The following BPTF variants were observed in gnomAD, a reference collection of about 807,000 sequenced individuals.
BPTF encodes nucleosome-remodeling factor subunit BPTF.
A neutral mutation model predicts 292.5 loss-of-function variants in BPTF; 18 were observed. The observed-to-expected ratio is 0.06, with a 90% CI of 0.04 to 0.09. The LOEUF (loss-of-function observed/expected upper bound fraction) is 0.09, where lower values mean the gene tolerates loss of function less well. BPTF is among the 10% of genes least tolerant of loss of function. BPTF has a pLI of 1.00. For synonymous variants in BPTF, 1,225 were observed against 1,251.9 expected, an observed-to-expected ratio of 0.98 and a Z score of 0.45; for missense variants, 2,726 against 3,498.7, an observed-to-expected ratio of 0.78 and a Z score of 5.57.
At chr17:67,859,250 A>G (rs1567918273) in intron 2 of BPTF, among the ~76,000 whole-genome samples, 1 of 152,166 alleles carries the variant, frequency 6.6e-6, no homozygotes, top group Non-Finnish European at 1.5e-5. Flanking sequence ...GGCTCAGGCC[A>G]TCCTCTCACC....
At chr17:67,875,174 G>A (rs1353844816) in intron 4 of BPTF, among the ~76,000 whole-genome samples, 154 bp downstream of exon 4, 1 of 152,122 alleles carries the variant, frequency 6.6e-6, no homozygotes, top group Non-Finnish European at 1.5e-5. Context: ...TATAACGTGT[G>A]TAACAATTGT....
intron 1 of BPTF, among the ~76,000 whole-genome samples, chr17:67,848,171 CT>C (rs11367624): frequency 0.35 from 51,014 of 146,600 alleles, 10,780 homozygotes; most frequent in East Asian, 0.67. Context: ...ACTGTAAATT[CT>C]TTTTTTTTTT....
At chr17:67,908,306 G>C (rs559369322) in intron 9 of BPTF, among the ~76,000 whole-genome samples, 1 of 151,778 alleles carries the variant, frequency 6.6e-6, no homozygotes, top group Non-Finnish European at 1.5e-5. Flanking sequence ...CTACAGGCTC[G>C]TACCACCATG....
At chr17:67,940,699 T>C in intron 19 of BPTF, 43 bp downstream of exon 19, 1 of 1,563,856 alleles carries the variant, frequency 6.4e-7, no homozygotes, top group Non-Finnish European at 8.8e-7. Context: ...GGTGATCTTA[T>C]TTATTCTTGC....
Position 67,911,005 on chromosome 17 carries a change from G to C in BPTF, c.3121G>C (p.Val1041Leu). 1.2e-6 allele frequency: 2 copies of C among 1,613,254 alleles called. No homozygotes were observed. Among genetic ancestry groups the C allele is most frequent in the Non-Finnish European group, 8.5e-7 (1 of 1,179,594 alleles). The change falls in exon 11 of 28, where the codon GTT (valine) becomes CTT (leucine). Residue 1041 changes from valine to leucine, a missense_variant. Physicochemically the swap from Val to Leu is conservative, Grantham distance 32. Transcript: ENST00000306378. ...GAGTTCTCAAGTAGATGTGGTCAAT[G>C]TTAGTGAGGGTTTTCATCTAAGGAC... is the stretch of plus-strand genomic sequence containing the variant. ...QESSQVDVVN[V>L]SEGFHLRTSY...
intron 14 of BPTF, among the ~76,000 whole-genome samples, chr17:67,923,878 C>T (rs1412438709): frequency 6.6e-6 from 1 of 151,866 alleles, no homozygotes; most frequent in East Asian, 1.9e-4. Flanking sequence ...GAGACAGTTT[C>T]ACTCTGTCCC....
chr17:67,886,076 G>T, intron 4 of BPTF: 1 of 1,316,288 alleles, frequency 7.6e-7, no homozygotes, highest in South Asian at 1.5e-5. Context: ...CTGACAATTC[G>T]TCATTTTTCA....
Position 67,912,598 on chromosome 17 carries a change from A to C in BPTF, c.4714A>C (p.Asn1572His). The C allele has an allele frequency of 6.2e-7, 1 of 1,613,150 alleles. No homozygotes were observed. The highest frequency in any genetic ancestry group is 1.7e-5 in the Admixed American group (1 of 59,728). The part of the protein sequence containing the change: ...IDENGLPINK[N>H]ENVNGESKRK... The stretch of plus-strand genomic sequence containing the variant: ...TGAAAATGGTCTGCCCATCAACAAA[A>C]ATGAAAATGTCAATGGAGAATCTAA... Residue 1572 changes from asparagine to histidine, a missense_variant, in exon 11 of 28, where the codon AAT (asparagine) becomes CAT (histidine). By Grantham distance (68) the Asn-to-His change is moderately conservative. Around this residue, in one of 22 missense-constraint regions of BPTF, gnomAD observed 144 missense variants for 177.2 expected, o/e 0.81. Coordinates refer to ENST00000306378, the MANE Select transcript of BPTF (RefSeq NM_182641.4).
chr17:67,950,051 CAAAAAAAA>C (rs567911150), intron 23 of BPTF, among the ~76,000 whole-genome samples: 1 of 68,578 alleles, frequency 1.5e-5, no homozygotes, highest in Non-Finnish European at 2.4e-5. Context: ...GAGACTGTCT[CAAAAAAAA>C]AAAAAAAAAA....
At chr17:67,976,073 A>T (rs79182912) in intron 27 of BPTF, 115 bp downstream of exon 27, 295 of 6,466 alleles carry the variant, frequency 0.046, 1 homozygote, top group South Asian at 0.077. Flanking sequence ...AAATATCTTT[A>T]AAAAAAAAAT....
intron 1 of BPTF, among the ~76,000 whole-genome samples, chr17:67,839,335 TA>T (rs1000819011): frequency 9.9e-5 from 15 of 151,546 alleles, no homozygotes; most frequent in Non-Finnish European, 1.5e-4. Context: ...AGTTTTTTTT[TA>T]AAAAAAAATC....
chr17:67,953,289 C>T lies in BPTF; in HGVS notation c.7926+4983C>T, dbSNP rs542229603. Among the ~76,000 whole-genome samples, 3 of 136,172 alleles carry T rather than the reference C, an allele frequency of 2.2e-5. No homozygotes were observed. The South Asian group carries it at 7.3e-4, about 33-fold the overall frequency. 89.3% of individuals were successfully genotyped at this position (136,172 alleles called of 152,430 possible). A position where few individuals can be genotyped will look rare whatever the true frequency, so the allele number is the denominator to read the frequency against. ...TTTTTTTTTTTGAGACGGAGTCTTA[C>T]TCTGTCACCCAGGCTGGACTGCAAT... is the stretch of plus-strand genomic sequence containing the variant. On this transcript the variant is annotated intron_variant, in intron 23 of 27. Coordinates refer to ENST00000306378, the MANE Select transcript of BPTF (RefSeq NM_182641.4).
At chr17:67,951,521 T>G (rs1472058432) in intron 23 of BPTF, 2 of 152,132 alleles carry the variant, frequency 1.3e-5, no homozygotes. Flanking sequence ...ACACACTGTT[T>G]CCGTTCCACA....
At chr17:67,902,018 G>A (rs1349825711) in intron 7 of BPTF, among the ~76,000 whole-genome samples, 1 of 152,176 alleles carries the variant, frequency 6.6e-6, no homozygotes. Flanking sequence ...GTTGGACTTC[G>A]TTGGCCAAGA....
At chr17:67,884,781 C>T (rs994450136) in intron 4 of BPTF, among the ~76,000 whole-genome samples, 5 of 151,816 alleles carry the variant, frequency 3.3e-5, no homozygotes, top group Non-Finnish European at 2.9e-5. Flanking sequence ...ATAGCTAGCT[C>T]TATAGATAAG....
chr17:67,832,699 G>A (rs117937325), intron 1 of BPTF, among the ~76,000 whole-genome samples: 7,226 of 151,038 alleles, frequency 0.048, 219 homozygotes, highest in South Asian at 0.11. Context: ...AGCCCGCACC[G>A]TCAGCATCAC....
At chr17:67,928,098 G>A (rs2147417720) in intron 15 of BPTF, among the ~76,000 whole-genome samples, 1 of 152,158 alleles carries the variant, frequency 6.6e-6, no homozygotes, top group East Asian at 1.9e-4. Flanking sequence ...TGGCCAGGCT[G>A]GTCTCGAACT....
chr17:67,968,682 G>A (rs1335358619), intron 26 of BPTF, among the ~76,000 whole-genome samples: 1 of 151,176 alleles, frequency 6.6e-6, no homozygotes, highest in Non-Finnish European at 1.5e-5. Flanking sequence ...CAGCTACTCA[G>A]GAGGCTGAGG....
At chr17:67,960,088 T>C (rs1437546006) in intron 24 of BPTF, 2 of 449,386 alleles carry the variant, frequency 4.5e-6, no homozygotes, top group Non-Finnish European at 7.8e-6. Flanking sequence ...TCCTTTGTTA[T>C]ATTCTTTTCT....
Sources: allele counts gnomAD v4.1 joint callset (sites outside exome capture counted in the v4.1 genomes callset), GRCh38; gene constraint gnomAD v4.1.1; regional missense constraint gnomAD v4.1.1; transcripts MANE v1.5; gene names NCBI Gene and HGNC (gene_info 2026-07-23, HGNC 2026-07-21).